ZNF354B: variants seen among roughly 807,000 people sequenced by gnomAD.
ZNF354B encodes zinc finger protein 354B.
ZNF354B carries 10 observed loss-of-function variants against 12.9 expected under a neutral mutation model. That is an observed-to-expected ratio of 0.77 (90% CI 0.48 to 1.31). The LOEUF is 1.31. Ranked by LOEUF, ZNF354B falls within the 40% of genes most tolerant of loss-of-function variation. The pLI, the probability that ZNF354B is intolerant of heterozygous loss-of-function variation, is 0.00. For synonymous variants in ZNF354B, 260 were observed against 243.7 expected (o/e 1.07, Z -0.62); for missense variants, 614 against 711.7 (o/e 0.86, Z 1.56).
rs1274429537 is a variant in ZNF354B at position 178,882,929 on chromosome 5, A to AAATGTTG, written c.481_487dup (p.Phe163CysfsTer2). 1 of 1,600,320 alleles carries AAATGTTG rather than the reference A, an allele frequency of 6.2e-7. No individual in the cohort carries two copies. The highest frequency in any genetic ancestry group is 1.1e-5 in the South Asian group (1 of 86,992). Reference sequence around the variant, plus strand: ...TCCTTACTGTAGATAGAAGCCATAAAAATGTTGAATTTGGCCAAAACTTCT... The same window carrying AAATGTTG: ...TCCTTACTGTAGATAGAAGCCATAAAAATGTTGAATGTTGAATTTGGCCAAAACTTCT... On this transcript the variant is annotated frameshift_variant, in exon 5 of 5. Coordinates refer to ENST00000322434, the MANE Select transcript of ZNF354B (RefSeq NM_058230.3). LOFTEE classifies it low-confidence loss of function (END_TRUNC).
chr5:178,866,709 G>A (rs542944554), intron 3 of ZNF354B, among the ~76,000 whole-genome samples: 1 of 151,962 alleles, frequency 6.6e-6, no homozygotes, highest in African/African-American at 2.4e-5. Flanking sequence ...CTTCTTCATC[G>A]ACCTACCATT....
At chr5:178,861,426 A>G (rs1243937531) in intron 2 of ZNF354B, among the ~76,000 whole-genome samples, 1 of 152,184 alleles carries the variant, frequency 6.6e-6, no homozygotes, top group Non-Finnish European at 1.5e-5. Context: ...CTTCGCAGGA[A>G]TACTTTCTCT....
intron 4 of ZNF354B, among the ~76,000 whole-genome samples, chr5:178,879,566 A>AG (rs1243331711): frequency 6.6e-6 from 1 of 151,626 alleles, no homozygotes; most frequent in Non-Finnish European, 1.5e-5. Flanking sequence ...TTTAGAAGAG[A>AG]GGGGGTTTCA....
intron 4 of ZNF354B, among the ~76,000 whole-genome samples, chr5:178,867,776 CACCTT>C: frequency 6.6e-6 from 1 of 152,292 alleles, no homozygotes; most frequent in African/African-American, 2.4e-5. Context: ...TAGGAGGACA[CACCTT>C]AGCTGGTGAC....
At chr5:178,879,246 C>T (rs1757683215) in intron 4 of ZNF354B, among the ~76,000 whole-genome samples, 1 of 151,906 alleles carries the variant, frequency 6.6e-6, no homozygotes. Flanking sequence ...GGGGTTTCAC[C>T]ATGTTGGTTA....
At chr5:178,867,558 C>T (rs879397209) in intron 4 of ZNF354B, among the ~76,000 whole-genome samples, 44 of 152,128 alleles carry the variant, frequency 2.9e-4, no homozygotes, top group Admixed American at 7.9e-4. Flanking sequence ...TGGTGTGAAT[C>T]AGAAACAGCT....
intron 2 of ZNF354B, among the ~76,000 whole-genome samples, chr5:178,863,860 A>T (rs76334857): frequency 0.13 from 19,930 of 152,206 alleles, 1,469 homozygotes; most frequent in African/African-American, 0.19. Flanking sequence ...TAACAAAAAA[A>T]TTTTTAAAGT....
intron 4 of ZNF354B, among the ~76,000 whole-genome samples, chr5:178,879,494 C>T (rs923413863): frequency 6.6e-6 from 1 of 151,620 alleles, no homozygotes; most frequent in Non-Finnish European, 1.5e-5. Context: ...ATTCTCCCGT[C>T]TCAGCCTCCT....
chr5:178,870,481 T>C (rs187458274), intron 4 of ZNF354B, among the ~76,000 whole-genome samples: 30 of 152,306 alleles, frequency 2.0e-4, no homozygotes, highest in African/African-American at 7.0e-4. Flanking sequence ...CGTTTTGCCA[T>C]GTTGGCCAGG....
At chr5:178,880,802 C>T (rs951349739) in intron 4 of ZNF354B, among the ~76,000 whole-genome samples, 29 of 150,952 alleles carry the variant, frequency 1.9e-4, no homozygotes, top group Non-Finnish European at 2.9e-4. Flanking sequence ...AGCCCATCAC[C>T]CAATTTCAGT....
Position 178,867,047 on chromosome 5 carries a change from G to A in ZNF354B, c.232G>A (p.Asp78Asn). ...QGEDPWEVEK[D>N]SSGVSSLGCK... is the part of the protein sequence containing the mutation. Reference sequence around the variant, plus strand: ...AGAAGATCCCTGGGAGGTGGAGAAAGACAGTTCTGGTGTCTCCTCTCTAGG... The same window carrying A: ...AGAAGATCCCTGGGAGGTGGAGAAAAACAGTTCTGGTGTCTCCTCTCTAGG... The change falls in exon 4 of 5, where the codon GAC (aspartate) becomes AAC (asparagine). Residue 78 changes from aspartate (D) to asparagine (N), a missense_variant. Physicochemically the swap from Asp to Asn is conservative, Grantham distance 23 (BLOSUM62 1). Coordinates refer to ENST00000322434, the MANE Select transcript of ZNF354B (RefSeq NM_058230.3). 1 of 1,613,580 alleles carries A rather than the reference G, an allele frequency of 6.2e-7. No homozygotes were observed. Among genetic ancestry groups the A allele is most frequent in the Non-Finnish European group, 8.5e-7 (1 of 1,179,940 alleles).
At chr5:178,877,549 T>C (rs1757656306) in intron 4 of ZNF354B, among the ~76,000 whole-genome samples, 1 of 152,148 alleles carries the variant, frequency 6.6e-6, no homozygotes. Flanking sequence ...GTTCCTTAAA[T>C]CCTCTGGAAG....
chr5:178,863,974 G>A (rs1757405085), intron 2 of ZNF354B, among the ~76,000 whole-genome samples: 1 of 152,138 alleles, frequency 6.6e-6, no homozygotes, highest in African/African-American at 2.4e-5. Flanking sequence ...TAAGATAAGT[G>A]TTACTACAAA....
intron 2 of ZNF354B, among the ~76,000 whole-genome samples, chr5:178,862,990 C>A (rs892094059): frequency 6.6e-6 from 1 of 152,202 alleles, no homozygotes; most frequent in Non-Finnish European, 1.5e-5. Flanking sequence ...CTACCTCTAG[C>A]AAAGCACATG....
At chr5:178,879,147 C>T (rs1035915617) in intron 4 of ZNF354B, among the ~76,000 whole-genome samples, 1 of 151,488 alleles carries the variant, frequency 6.6e-6, no homozygotes, top group South Asian at 2.1e-4. Context: ...CTCCCAGCTT[C>T]AAGCGATTCT....
chr5:178,872,044 A>C (rs145143771), intron 4 of ZNF354B, among the ~76,000 whole-genome samples: 2 of 152,330 alleles, frequency 1.3e-5, no homozygotes, highest in African/African-American at 4.8e-5. Context: ...ACATTGATAC[A>C]GTGAAGATAC....
chr5:178,871,162 G>A (rs1220427410), intron 4 of ZNF354B, among the ~76,000 whole-genome samples: 2 of 152,050 alleles, frequency 1.3e-5, no homozygotes, highest in African/African-American at 4.8e-5. Context: ...ATAGCCCAAA[G>A]TCCCCATCAT....
In ZNF354B at chr5:178,884,332, A is replaced by G; in HGVS notation, c.*41A>G. ...ACTCATCAGAGAATACATGCTTGAG[A>G]GTGATTTATTAAATATAATGAATAT... On this transcript the variant is annotated 3_prime_UTR_variant, in exon 5 of 5. Transcript: ENST00000322434. The G allele has an allele frequency of 1.3e-6, 2 of 1,522,510 alleles. No homozygotes were observed. The highest frequency in any genetic ancestry group is 1.8e-6 in the Non-Finnish European group (2 of 1,138,650). The allele number at this position is 1,522,510 out of a possible 1,614,324, so 94.3% of individuals were successfully genotyped here.
intron 1 of ZNF354B, chr5:178,860,631 C>T (rs1430970997): frequency 1.8e-5 from 3 of 167,214 alleles, no homozygotes; most frequent in Non-Finnish European, 3.8e-5. Context: ...TCCCGGCCCG[C>T]CTCGCAGCGG....
Sources: allele counts gnomAD v4.1 joint callset (sites outside exome capture counted in the v4.1 genomes callset), GRCh38; gene constraint gnomAD v4.1.1; transcripts MANE v1.5; gene names NCBI Gene and HGNC (gene_info 2026-07-23, HGNC 2026-07-21).